Variants in EEF1AKMT1 observed in about 807,000 individuals in gnomAD.
EEF1AKMT1 encodes the protein EEF1A lysine methyltransferase 1.
EEF1AKMT1 carries 18 observed loss-of-function variants against 21.0 expected under a neutral mutation model. That is an observed-to-expected ratio of 0.86 (90% CI 0.59 to 1.27). The LOEUF (loss-of-function observed/expected upper bound fraction) is 1.27, where lower values mean the gene tolerates loss of function less well. EEF1AKMT1 is among the 50% of genes most tolerant of loss of function. The pLI, the probability that EEF1AKMT1 is intolerant of heterozygous loss-of-function variation, is 0.00. For synonymous variants in EEF1AKMT1, 109 were observed against 94.8 expected (o/e 1.15, Z -0.87); for missense variants, 246 against 258.6 (o/e 0.95, Z 0.33).
Position 20,731,969 on chromosome 13 carries a change from G to A in EEF1AKMT1, c.380C>T (p.Pro127Leu). 1 of 1,614,170 alleles carries A rather than the reference G, an allele frequency of 6.2e-7. No homozygotes were observed. Among genetic ancestry groups the A allele is most frequent in the African/African-American group, 1.3e-5 (1 of 75,040 alleles). Residue 127 changes from proline to leucine, a missense_variant, in exon 4 of 5, where the codon CCC (proline) becomes CTC (leucine). Coordinates refer to ENST00000382758, the MANE Select transcript of EEF1AKMT1 (RefSeq NM_001318939.2). Reference protein sequence around the residue: ...FYDYNNPLDLPERIAAHSFDI... With the variant: ...FYDYNNPLDLLERIAAHSFDI... Reference sequence around the variant, plus strand: ...AAAACTATGTGCAGCAATTCTTTCGGGTAAGTCCAATGGATTATTGTAATC... The same window carrying A: ...AAAACTATGTGCAGCAATTCTTTCGAGTAAGTCCAATGGATTATTGTAATC...
At chr13:20,732,809 C>G (rs781018783) in intron 3 of EEF1AKMT1, among the ~76,000 whole-genome samples, 1 of 152,138 alleles carries the variant, frequency 6.6e-6, no homozygotes, top group Non-Finnish European at 1.5e-5. Context: ...CAACTAAATA[C>G]TATAAAGTCA....
At chr13:20,768,000 T>G (rs920119187) in intron 1 of EEF1AKMT1, among the ~76,000 whole-genome samples, 1 of 152,228 alleles carries the variant, frequency 6.6e-6, no homozygotes, top group African/African-American at 2.4e-5. Context: ...TTTGCATATT[T>G]CCAGTTCACA....
intron 3 of EEF1AKMT1, among the ~76,000 whole-genome samples, chr13:20,734,067 G>C (rs928362430): frequency 1.3e-5 from 2 of 152,214 alleles, no homozygotes; most frequent in Admixed American, 6.5e-5. Context: ...CGGTAGGAGG[G>C]GGAAAAGAAG....
chr13:20,764,925 T>C (rs1468006927), intron 1 of EEF1AKMT1, among the ~76,000 whole-genome samples: 1 of 131,102 alleles, frequency 7.6e-6, no homozygotes, highest in African/African-American at 2.8e-5. Context: ...ACACCCTAAT[T>C]TTGAAGTGAG....
intron 3 of EEF1AKMT1, 52 bp from the exon 4 acceptor site, chr13:20,732,173 G>A (rs1435052171): frequency 6.5e-7 from 1 of 1,539,696 alleles, no homozygotes; most frequent in African/African-American, 1.4e-5. Flanking sequence ...AGAGATTACG[G>A]TGTTAACAAC....
chr13:20,766,467 A>C (rs141159940), intron 1 of EEF1AKMT1, among the ~76,000 whole-genome samples: 9 of 152,232 alleles, frequency 5.9e-5, no homozygotes, highest in African/African-American at 2.2e-4. Flanking sequence ...TTATGAATCT[A>C]TTTCTTTCTC....
At chr13:20,770,750 G>A (rs768642742) in intron 1 of EEF1AKMT1, among the ~76,000 whole-genome samples, 1 of 152,084 alleles carries the variant, frequency 6.6e-6, no homozygotes, top group Non-Finnish European at 1.5e-5. Flanking sequence ...CTTAAAAAAG[G>A]CTGCACCACA....
intron 2 of EEF1AKMT1, among the ~76,000 whole-genome samples, chr13:20,748,216 C>A (rs565835921): frequency 7.8e-4 from 119 of 152,252 alleles, no homozygotes; most frequent in African/African-American, 2.7e-3. Flanking sequence ...GCGGGCGGAC[C>A]ATGAGGTCAG....
In EEF1AKMT1 at chr13:20,731,904, A is replaced by T; in HGVS notation, c.445T>A (p.Cys149Ser). Residue 149 changes from cysteine to serine, a missense_variant, in exon 4 of 5, where the codon TGT (cysteine) becomes AGT (serine). Coordinates refer to ENST00000382758, the MANE Select transcript of EEF1AKMT1 (RefSeq NM_001318939.2). ...IADPPYLSEE[C>S]LRKTSETVKY... ...ACGGTTTCCGATGTTTTTCTGAGAC[A>T]TTCCTCCGAAAGATAGGGAGGATCT... 1.2e-6 allele frequency: 2 copies of T among 1,614,224 alleles called. No individual in the cohort carries two copies. The highest frequency in any genetic ancestry group is 2.2e-5 in the East Asian group (1 of 44,884).
chr13:20,734,276 G>A (rs928892891), intron 3 of EEF1AKMT1, among the ~76,000 whole-genome samples: 1 of 152,220 alleles, frequency 6.6e-6, no homozygotes, highest in Non-Finnish European at 1.5e-5. Flanking sequence ...AGTGGTCCAG[G>A]ATGCAAGAAG....
At chr13:20,766,320 G>C in intron 1 of EEF1AKMT1, among the ~76,000 whole-genome samples, 1 of 122,734 alleles carries the variant, frequency 8.1e-6, no homozygotes, top group Non-Finnish European at 1.7e-5. Flanking sequence ...AAAAAAGAAA[G>C]AAAGAAAAGA....
At chr13:20,759,390 T>C (rs903273113) in intron 1 of EEF1AKMT1, among the ~76,000 whole-genome samples, 12 of 152,144 alleles carry the variant, frequency 7.9e-5, no homozygotes, top group Admixed American at 7.9e-4. Context: ...CCATCCTGGC[T>C]AACACAGTGA....
chr13:20,764,961 C>A (rs1276855149), intron 1 of EEF1AKMT1, among the ~76,000 whole-genome samples: 2 of 149,648 alleles, frequency 1.3e-5, no homozygotes, highest in East Asian at 4.0e-4. Flanking sequence ...ATATAGTTTT[C>A]GTCTAAAAAA....
chr13:20,751,933 T>C (rs935970222), intron 2 of EEF1AKMT1, among the ~76,000 whole-genome samples: 1 of 152,168 alleles, frequency 6.6e-6, no homozygotes, highest in African/African-American at 2.4e-5. Context: ...CCTTCTCGAT[T>C]TCTTTCTCAG....
intron 2 of EEF1AKMT1, among the ~76,000 whole-genome samples, chr13:20,755,377 G>A (rs1595025298): frequency 6.6e-6 from 1 of 152,372 alleles, no homozygotes; most frequent in African/African-American, 2.4e-5. Flanking sequence ...CCTATCTGGA[G>A]CAAAGCCATC....
chr13:20,771,301 C>T (rs1373262997), intron 1 of EEF1AKMT1, among the ~76,000 whole-genome samples: 1 of 152,138 alleles, frequency 6.6e-6, no homozygotes, highest in African/African-American at 2.4e-5. Flanking sequence ...ACTATAAATG[C>T]AAAACAAGGA....
At chr13:20,760,282 A>G (rs986506662) in intron 1 of EEF1AKMT1, among the ~76,000 whole-genome samples, 5 of 152,164 alleles carry the variant, frequency 3.3e-5, no homozygotes, top group African/African-American at 4.8e-5. Context: ...CCATGGAATC[A>G]ACCTAAGCGT....
intron 1 of EEF1AKMT1, among the ~76,000 whole-genome samples, chr13:20,771,198 C>T (rs889888599): frequency 5.9e-5 from 9 of 152,198 alleles, no homozygotes; most frequent in African/African-American, 1.2e-4. Flanking sequence ...GTACTTTCCA[C>T]AGCTGCGTCA....
intron 1 of EEF1AKMT1, among the ~76,000 whole-genome samples, chr13:20,771,008 T>C (rs111433359): frequency 6.6e-6 from 1 of 151,948 alleles, no homozygotes; most frequent in African/African-American, 2.4e-5. Context: ...GCCTCCTGAG[T>C]AGCTGGGACT....
Sources: allele counts gnomAD v4.1 joint callset (sites outside exome capture counted in the v4.1 genomes callset), GRCh38; gene constraint gnomAD v4.1.1; transcripts MANE v1.5; gene names NCBI Gene and HGNC (gene_info 2026-07-23, HGNC 2026-07-21).